SORBS2: variants seen among roughly 807,000 people sequenced by gnomAD.
SORBS2 encodes sorbin and SH3 domain-containing protein 2.
In SORBS2, 46 loss-of-function variants were observed where a neutral mutation model predicts 97.7. The ratio of observed to expected loss-of-function variants is 0.47; its 90% confidence interval spans 0.37 to 0.60. SORBS2 has a LOEUF of 0.60. SORBS2 is among the 20% of genes least tolerant of loss of function. SORBS2 has a pLI of 0.00. For missense variants in SORBS2, 1,316 were observed against 1,282.3 expected (o/e 1.03, Z -0.40); for synonymous variants, 476 against 473.4 (o/e 1.01, Z -0.07).
chr4:185,903,578 C>G (rs567790712), intron 1 of SORBS2, among the ~76,000 whole-genome samples: 7 of 152,252 alleles, frequency 4.6e-5, no homozygotes, highest in African/African-American at 9.6e-5. Context: ...AGCTCTCCCC[C>G]CTGCCACCGC....
chr4:185,806,747 C>A (rs992721154), intron 1 of SORBS2, among the ~76,000 whole-genome samples: 7 of 152,214 alleles, frequency 4.6e-5, no homozygotes, highest in African/African-American at 1.7e-4. Flanking sequence ...CGTGAGCCAC[C>A]GCGCCCGGCC....
At chr4:185,640,591 A>G (rs1437768790) in intron 4 of SORBS2, among the ~76,000 whole-genome samples, 1 of 152,136 alleles carries the variant, frequency 6.6e-6, no homozygotes, top group Non-Finnish European at 1.5e-5. Flanking sequence ...CTAGTAACCA[A>G]TTTGCTATTT....
At chr4:185,916,928 T>C (rs2099258458) in intron 1 of SORBS2, among the ~76,000 whole-genome samples, 1 of 152,200 alleles carries the variant, frequency 6.6e-6, no homozygotes, top group African/African-American at 2.4e-5. Flanking sequence ...AGCTACAGGA[T>C]GGGGCTGGGT....
intron 1 of SORBS2, among the ~76,000 whole-genome samples, chr4:185,801,867 T>C (rs2099132687): frequency 6.6e-6 from 1 of 152,172 alleles, no homozygotes; most frequent in Non-Finnish European, 1.5e-5. Flanking sequence ...AGTTTCTTCT[T>C]TTCTCATGTG....
At chr4:185,746,841 TG>T (rs2098764134) in intron 2 of SORBS2, among the ~76,000 whole-genome samples, 1 of 152,250 alleles carries the variant, frequency 6.6e-6, no homozygotes, top group Admixed American at 6.5e-5. Flanking sequence ...AGCCTTGTTA[TG>T]GGCTGAATTG....
chr4:185,942,412 G>A (rs1303163768), intron 1 of SORBS2, among the ~76,000 whole-genome samples: 2 of 151,190 alleles, frequency 1.3e-5, no homozygotes, highest in African/African-American at 4.9e-5. Flanking sequence ...GTGCAGTGGT[G>A]TGATCTTGGC....
At chr4:185,890,868 G>A (rs2099242125) in intron 1 of SORBS2, among the ~76,000 whole-genome samples, 1 of 152,174 alleles carries the variant, frequency 6.6e-6, no homozygotes, top group Non-Finnish European at 1.5e-5. Context: ...GGCTTTTTAA[G>A]GGTAGGACAA....
chr4:185,735,570 T>G (rs1428966636), intron 2 of SORBS2, among the ~76,000 whole-genome samples: 1 of 152,012 alleles, frequency 6.6e-6, no homozygotes, highest in Non-Finnish European at 1.5e-5. Context: ...AAGTCTTCAT[T>G]CTATTTAAGC....
intron 11 of SORBS2, 137 bp downstream of exon 23, chr4:185,614,694 T>C: frequency 8.8e-7 from 1 of 1,136,420 alleles, no homozygotes; most frequent in South Asian, 1.7e-5. Context: ...TAAAGAGTCC[T>C]TTGTAGAAAA....
intron 6 of SORBS2, among the ~76,000 whole-genome samples, chr4:185,625,797 CAGAGTCCAATCA>C (rs1390316255): frequency 6.6e-6 from 1 of 152,238 alleles, no homozygotes; most frequent in Non-Finnish European, 1.5e-5. Flanking sequence ...TCCACCTACT[CAGAGTCCAATCA>C]TCACGACCAG....
At chr4:185,603,745 T>C (rs2096333503) in intron 12 of SORBS2, among the ~76,000 whole-genome samples, 1 of 152,232 alleles carries the variant, frequency 6.6e-6, no homozygotes, top group Admixed American at 6.5e-5. Flanking sequence ...TCATTAAATC[T>C]CTTTCCAAGG....
At chr4:185,850,368 G>A (rs1339574483) in intron 1 of SORBS2, among the ~76,000 whole-genome samples, 1 of 152,112 alleles carries the variant, frequency 6.6e-6, no homozygotes, top group Non-Finnish European at 1.5e-5. Flanking sequence ...CATATGTCGA[G>A]AGTCTAACAA....
At chr4:185,744,062 C>T (rs1316191758) in intron 2 of SORBS2, among the ~76,000 whole-genome samples, 1 of 142,450 alleles carries the variant, frequency 7.0e-6, no homozygotes, top group Admixed American at 7.1e-5. Flanking sequence ...CCTCCTTCTC[C>T]CCCTTCCTTT....
In SORBS2 at chr4:185,864,911, C is replaced by CA. The variant is rs34469356; in HGVS notation, c.-337-89546dup. Among the ~76,000 whole-genome samples the CA allele has an allele frequency of 3.7e-3, 518 of 140,832 alleles. 7 individuals carry two copies. Among genetic ancestry groups the CA allele is most frequent in the South Asian group, 9.8e-3 (43 of 4,408 alleles). The allele number at this position is 140,832 out of a possible 152,430, so 92.4% of individuals were successfully genotyped here. On this transcript the variant is annotated intron_variant, in intron 1 of 20. Transcript: ENST00000284776. ...TGGGCGATAGAGTGAGACTCTGTCT[C>CA]AAAAAAAAAAGAAAAAGAAAAGCAT...
intron 4 of SORBS2, among the ~76,000 whole-genome samples, chr4:185,673,549 C>A (rs2153491294): frequency 6.6e-6 from 1 of 152,280 alleles, no homozygotes; most frequent in African/African-American, 2.4e-5. Context: ...ATGATGACAG[C>A]TACTGTATGT....
chr4:185,747,663 C>T (rs967313555), intron 2 of SORBS2, among the ~76,000 whole-genome samples: 6 of 152,132 alleles, frequency 3.9e-5, no homozygotes, highest in Non-Finnish European at 7.3e-5. Context: ...GGTTTCTCCT[C>T]GTCCTCCCCC....
chr4:185,633,512 T>A (rs73028100), intron 4 of SORBS2, among the ~76,000 whole-genome samples: 6,816 of 151,584 alleles, frequency 0.045, 520 homozygotes, highest in African/African-American at 0.16. Context: ...ATAGAATGCA[T>A]AGAGTTAAGT....
chr4:185,725,304 C>T (rs2098547929), intron 2 of SORBS2, among the ~76,000 whole-genome samples: 1 of 152,204 alleles, frequency 6.6e-6, no homozygotes, highest in Non-Finnish European at 1.5e-5. Context: ...GGAATTATTA[C>T]ACTGCTGTTG....
chr4:185,793,433 G>C (rs114049162), intron 1 of SORBS2, among the ~76,000 whole-genome samples: 65 of 152,256 alleles, frequency 4.3e-4, no homozygotes, highest in African/African-American at 1.5e-3. Flanking sequence ...TAATTAATTG[G>C]GACCAGAAGA....
Sources: gnomAD v4.1 joint callset for allele counts (sites outside exome capture counted in the v4.1 genomes callset) on GRCh38, gnomAD v4.1.1 for gene constraint, MANE v1.5 for transcripts, NCBI Gene and HGNC (gene_info 2026-07-23, HGNC 2026-07-21) for gene names.